Variants in SLC9A8 observed in about 807,000 individuals in gnomAD.
The protein encoded by SLC9A8 is solute carrier family 9 member A8, also known as sodium/hydrogen exchanger 8.
SLC9A8 carries 48 observed loss-of-function variants against 66.6 expected under a neutral mutation model. The observed-to-expected ratio is 0.72, with a 90% CI of 0.57 to 0.92. The LOEUF (loss-of-function observed/expected upper bound fraction) is 0.92. SLC9A8 is among the 40% of genes least tolerant of loss of function. The pLI is 0.00. For synonymous variants in SLC9A8, 274 were observed against 282.6 expected (o/e 0.97, Z 0.31); for missense variants, 599 against 747.3 (o/e 0.80, Z 2.31).
Position 49,891,899 on chromosome 20 carries a change from G to T in SLC9A8, c.*3963G>T, listed in dbSNP as rs1268742689. The T allele has an allele frequency of 1.3e-5, 2 of 152,272 alleles. No homozygotes were observed. Among genetic ancestry groups the T allele is most frequent in the African/African-American group, 4.8e-5 (2 of 41,472 alleles). The allele number at this position is 152,272 out of a possible 1,614,324, so 9.4% of individuals were successfully genotyped here. On this transcript the variant is annotated 3_prime_UTR_variant, in exon 16 of 16. Coordinates refer to ENST00000361573, the MANE Select transcript of SLC9A8 (RefSeq NM_015266.3). ...AGCTTGAATTGTCCTCAAGATGGAT[G>T]TGAATCTTACATTCCTTTTCATCAT...
Position 49,884,001 on chromosome 20 carries a change from A to G in SLC9A8, c.1426A>G (p.Ile476Val). Residue 476 changes from isoleucine to valine, a missense_variant, in exon 14 of 16, where the codon ATC becomes GTC. By Grantham distance (29) the Ile-to-Val change is conservative (BLOSUM62 3). Around this residue, in one of 2 missense-constraint regions of SLC9A8, gnomAD observed 467 missense variants for 626.5 expected, o/e 0.75. Coordinates refer to ENST00000361573, the MANE Select transcript of SLC9A8 (RefSeq NM_015266.3). ...STMPLIRLMD[I>V]EDAKAHRRNK... ...CATGCCCCTCATTCGCCTCATGGAC[A>G]TCGAGGACGCCAAGGCACACCGCAG... 1 of 1,613,698 alleles carries G rather than the reference A, an allele frequency of 6.2e-7. No individual in the cohort carries two copies. The highest frequency in any genetic ancestry group is 2.2e-5 in the East Asian group (1 of 44,850).
Position 49,888,052 on chromosome 20 carries a change from A to C in SLC9A8, c.*116A>C. 2.5e-6 allele frequency: 2 copies of C among 797,724 alleles called. No homozygotes were observed. The highest frequency in any genetic ancestry group is 4.2e-6 in the Non-Finnish European group (2 of 480,234). The allele number at this position is 797,724 out of a possible 1,614,324, so 49.4% of individuals were successfully genotyped here. A position where few individuals can be genotyped will look rare whatever the true frequency, so the allele number is the denominator to read the frequency against. On this transcript the variant is annotated 3_prime_UTR_variant, in exon 16 of 16. Transcript: ENST00000361573. Reference sequence around the variant, plus strand: ...TCCAGCAGCCCCTTCAAGACATAAGAGGGCGGGGCGAGGTACTGGCTGCAG... The same window carrying C: ...TCCAGCAGCCCCTTCAAGACATAAGCGGGCGGGGCGAGGTACTGGCTGCAG...
Position 49,818,979 on chromosome 20 carries a change from CTT to C in SLC9A8, c.208+3793_208+3794del, listed in dbSNP as rs1309670824. Among the ~76,000 whole-genome samples, 6 of 152,262 alleles carry C rather than the reference CTT, an allele frequency of 3.9e-5. No individual in the cohort carries two copies. In the South Asian group the frequency reaches 1.2e-3, roughly 32 times the overall value. ...TTAGTTAATTCAAATGAAATGGTAA[CTT>C]TTGTGTCCTGTAAGCACATGACAGG... On this transcript the variant is annotated intron_variant, in intron 2 of 15. Transcript: ENST00000361573.
At chr20:49,852,215 C>T (rs1226735531) in intron 7 of SLC9A8, among the ~76,000 whole-genome samples, 1 of 152,218 alleles carries the variant, frequency 6.6e-6, no homozygotes, top group East Asian at 1.9e-4. Context: ...AGAACACACC[C>T]TGTATGAAGG....
chr20:49,831,425 C>CTCTCTCTG (rs1268831384), intron 3 of SLC9A8, among the ~76,000 whole-genome samples: 4 of 151,772 alleles, frequency 2.6e-5, no homozygotes, highest in African/African-American at 9.7e-5. Context: ...CTCTCTCTCT[C>CTCTCTCTG]TCTCTCTGTC....
In SLC9A8 at chr20:49,862,995, C is replaced by G. The variant is rs1351567289; in HGVS notation, c.780C>G (p.Ala260=). 6.2e-7 allele frequency: 1 copy of G among 1,613,610 alleles called. No individual in the cohort carries two copies. The highest frequency in any genetic ancestry group is 8.5e-7 in the Non-Finnish European group (1 of 1,179,610). ...GTGGGTGGCAAACATTTTTACAAGC[C>G]CTTGACTACTTCCTCAAAATGTTCT... is the stretch of plus-strand genomic sequence containing the variant. ...DVSGWQTFLQ[A]LDYFLKMFFG... The change falls in exon 9 of 16, where the codon GCC becomes GCG. Residue 260 remains alanine (A), a synonymous_variant. Coordinates refer to ENST00000361573, the MANE Select transcript of SLC9A8 (RefSeq NM_015266.3).
At chr20:49,821,199 G>C (rs2086727140) in intron 2 of SLC9A8, among the ~76,000 whole-genome samples, 1 of 152,144 alleles carries the variant, frequency 6.6e-6, no homozygotes, top group Non-Finnish European at 1.5e-5. Context: ...GCAAAGAGTT[G>C]TTTGATCTAT....
intron 14 of SLC9A8, among the ~76,000 whole-genome samples, chr20:49,884,646 G>A (rs2089824798): frequency 1.3e-5 from 2 of 152,182 alleles, no homozygotes; most frequent in Admixed American, 6.5e-5. Context: ...GAGGAGGGGA[G>A]GATGTCTTGC....
chr20:49,884,181 C>T (rs1486584854), intron 14 of SLC9A8, 115 bp downstream of exon 14: 2 of 696,906 alleles, frequency 2.9e-6, no homozygotes, highest in East Asian at 3.0e-5. Context: ...TGAGGATGCC[C>T]AGCACCTCCA....
In SLC9A8 at chr20:49,843,101, G is replaced by A. The variant is rs541665058; in HGVS notation, c.349-1935G>A. Among the ~76,000 whole-genome samples the A allele has an allele frequency of 8.5e-5, 13 of 152,082 alleles. No individual in the cohort carries two copies. In the South Asian group the frequency reaches 1.7e-3, roughly 19 times the overall value. On this transcript the variant is annotated intron_variant, in intron 4 of 15. Transcript: ENST00000361573. ...TTCAGAGACCCTATTTCCAAATAAG[G>A]TCACACTCTGAGGTTCCTGGTGGCC...
chr20:49,817,201 C>A (rs2086581158), intron 2 of SLC9A8, among the ~76,000 whole-genome samples: 1 of 151,864 alleles, frequency 6.6e-6, no homozygotes, highest in African/African-American at 2.4e-5. Context: ...CCTGTAATCT[C>A]AGCTACTCGG....
At chr20:49,837,807 C>G (rs6095683) in intron 3 of SLC9A8, among the ~76,000 whole-genome samples, 99,325 of 151,976 alleles carry the variant, frequency 0.65, 33,363 homozygotes, top group African/African-American at 0.8. Flanking sequence ...GACCTCAGGT[C>G]ATCTGCCCGC....
intron 2 of SLC9A8, 32 bp downstream of exon 2, chr20:49,815,221 G>GCCATC: frequency 6.8e-7 from 1 of 1,473,136 alleles, no homozygotes; most frequent in South Asian, 1.4e-5. Context: ...CCCATCATCT[G>GCCATC]CCATCCCGTG....
At chr20:49,846,652 G>T (rs1366544338) in intron 5 of SLC9A8, among the ~76,000 whole-genome samples, 1 of 152,074 alleles carries the variant, frequency 6.6e-6, no homozygotes, top group Non-Finnish European at 1.5e-5. Flanking sequence ...AGTGGCTCAT[G>T]CCTATAATCC....
rs779814701 is a variant in SLC9A8 at position 49,880,946 on chromosome 20, C to T, written c.1181C>T (p.Ala394Val). The change falls in exon 13 of 16, where the codon GCG (alanine) becomes GTG (valine). Residue 394 changes from alanine to valine, a missense_variant. This residue lies in a region of SLC9A8 where 467 missense variants were observed against 626.5 expected (regional missense o/e 0.75). Transcript: ENST00000361573. Reference sequence around the variant, plus strand: ...CAGGTGCTTGTACTATTTGGCAGAGCGGTAAACATTTTCCCTCTTTCCTAC... The same window carrying T: ...CAGGTGCTTGTACTATTTGGCAGAGTGGTAAACATTTTCCCTCTTTCCTAC... ...WCIVLVLFGR[A>V]VNIFPLSYLL... 11 of 1,612,908 alleles carry T rather than the reference C, an allele frequency of 6.8e-6. No homozygotes were observed. The highest frequency in any genetic ancestry group is 8.5e-6 in the Non-Finnish European group (10 of 1,179,024).
chr20:49,822,423 A>G (rs1403169448), intron 2 of SLC9A8, among the ~76,000 whole-genome samples: 2 of 152,210 alleles, frequency 1.3e-5, no homozygotes, highest in African/African-American at 2.4e-5. Context: ...GTTGAAGACC[A>G]TTTCTCAGAA....
intron 10 of SLC9A8, among the ~76,000 whole-genome samples, chr20:49,866,493 G>C (rs1243758638): frequency 1.3e-5 from 2 of 152,176 alleles, no homozygotes; most frequent in Non-Finnish European, 1.5e-5. Flanking sequence ...GTATGAGAGA[G>C]TGCCAGTTGC....
chr20:49,857,806 AGTT>A (rs945423109), intron 8 of SLC9A8, among the ~76,000 whole-genome samples: 4 of 132,700 alleles, frequency 3.0e-5, no homozygotes, highest in Non-Finnish European at 6.9e-5. Flanking sequence ...CCCTGCCCCT[AGTT>A]GTTGTTTTCA....
In SLC9A8 at chr20:49,884,003, C is replaced by T. The variant is rs1046613156; in HGVS notation, c.1428C>T (p.Ile476=). 6.2e-6 allele frequency: 10 copies of T among 1,613,494 alleles called. No homozygotes were observed. Among genetic ancestry groups the T allele is most frequent in the African/African-American group, 1.3e-5 (1 of 74,808 alleles). Residue 476 remains isoleucine, a synonymous_variant, in exon 14 of 16, where the codon ATC becomes ATT. Coordinates refer to ENST00000361573, the MANE Select transcript of SLC9A8 (RefSeq NM_015266.3). ...TGCCCCTCATTCGCCTCATGGACAT[C>T]GAGGACGCCAAGGCACACCGCAGGA... is the stretch of plus-strand genomic sequence containing the variant. The part of the protein sequence containing the change: ...STMPLIRLMD[I]EDAKAHRRNK...
Sources: gnomAD v4.1 joint callset for allele counts (sites outside exome capture counted in the v4.1 genomes callset) on GRCh38, gnomAD v4.1.1 for gene constraint, gnomAD v4.1.1 regional missense constraint, MANE v1.5 for transcripts, NCBI Gene and HGNC (gene_info 2026-07-23, HGNC 2026-07-21) for gene names.